The following OSBPL9 variants were observed in gnomAD, a reference collection of about 807,000 sequenced individuals.
OSBPL9 encodes the protein oxysterol-binding protein-related protein 9.
In OSBPL9, 40 loss-of-function variants were observed where a neutral mutation model predicts 106.6. The observed-to-expected ratio is 0.38, with a 90% CI of 0.29 to 0.49. The LOEUF (loss-of-function observed/expected upper bound fraction) is 0.49. Ranked by LOEUF, OSBPL9 falls within the 20% of genes least tolerant of loss-of-function variation. The probability of loss-of-function intolerance (pLI) is 0.97; values close to 1 mark genes in which losing one functional copy is unlikely to be tolerated. For missense variants in OSBPL9, 609 were observed against 887.2 expected (o/e 0.69, Z 3.98); for synonymous variants, 269 against 295.4 (o/e 0.91, Z 0.92).
At chr1:51,555,863 G>A in the OSBPL9 span, among the ~76,000 whole-genome samples, 7 of 152,142 alleles carry the variant, frequency 4.6e-5, no homozygotes, top group South Asian at 6.2e-4. Flanking sequence ...AAGCCACTGC[G>A]CCCAGCCAGA....
At chr1:51,669,246 G>C (rs551818084) in intron 2 of OSBPL9, among the ~76,000 whole-genome samples, 188 bp from the exon 3 acceptor site, 2 of 152,324 alleles carry the variant, frequency 1.3e-5, no homozygotes, top group East Asian at 3.9e-4. Flanking sequence ...CATGGTACTA[G>C]AGTGTCCTGC....
At chr1:51,686,392 C>G (rs1261857615) in intron 3 of OSBPL9, among the ~76,000 whole-genome samples, 3 of 152,138 alleles carry the variant, frequency 2.0e-5, no homozygotes, top group African/African-American at 7.2e-5. Context: ...CCTTTCCTTC[C>G]TTGTTACTCT....
intron 4 of OSBPL9, among the ~76,000 whole-genome samples, chr1:51,733,244 G>A (rs1664862603): frequency 6.6e-6 from 1 of 152,122 alleles, no homozygotes; most frequent in Non-Finnish European, 1.5e-5. Context: ...ACTCATCTTT[G>A]TATCCCCGGG....
chr1:51,786,393 G>C (rs1677637649), intron 21 of OSBPL9, 133 bp from the exon 22 acceptor site: 2 of 614,710 alleles, frequency 3.3e-6, no homozygotes, highest in Non-Finnish European at 5.8e-6. Flanking sequence ...AAGATGTTAT[G>C]AAATTAACAG....
the OSBPL9 span, among the ~76,000 whole-genome samples, chr1:51,562,757 T>C: frequency 6.6e-6 from 1 of 152,230 alleles, no homozygotes; most frequent in African/African-American, 2.4e-5. Flanking sequence ...CTGAGTATCC[T>C]GGCAGTTGAG....
chr1:51,749,528 G>A, intron 7 of OSBPL9: 1 of 418,410 alleles, frequency 2.4e-6, no homozygotes. Flanking sequence ...TGTTGCCTAG[G>A]CTGGTCTCCT....
intron 1 of OSBPL9, among the ~76,000 whole-genome samples, chr1:51,586,920 A>G (rs1320476867): frequency 6.6e-6 from 1 of 152,102 alleles, no homozygotes; most frequent in Non-Finnish European, 1.5e-5. Context: ...CACCCTGGTC[A>G]CAGTTTTCCT....
At chr1:51,722,282 C>T (rs1039821700) in intron 4 of OSBPL9, among the ~76,000 whole-genome samples, 1 of 152,170 alleles carries the variant, frequency 6.6e-6, no homozygotes. Flanking sequence ...AATTTGGCAA[C>T]TCAAGCATTT....
At chr1:51,784,162 C>A in intron 18 of OSBPL9, 102 bp from the exon 19 acceptor site, 1 of 1,427,230 alleles carries the variant, frequency 7.0e-7, no homozygotes, top group Non-Finnish European at 9.9e-7. Context: ...ATAGGTTATC[C>A]CTAAATTGAA....
intron 3 of OSBPL9, among the ~76,000 whole-genome samples, chr1:51,705,284 C>CTGCT (rs1327541610): frequency 2.0e-5 from 3 of 146,380 alleles, no homozygotes; most frequent in African/African-American, 7.7e-5. Context: ...CAGGCGTGTG[C>CTGCT]TGCTGCAACT....
At chr1:51,652,151 G>A in intron 2 of OSBPL9, 110 bp downstream of exon 2, 1 of 759,092 alleles carries the variant, frequency 1.3e-6, no homozygotes, top group Non-Finnish European at 2.1e-6. Context: ...AATTGTTGGG[G>A]CAGGTATCTA....
chr1:51,759,163 C>G (rs771367927), intron 9 of OSBPL9, among the ~76,000 whole-genome samples: 4 of 150,878 alleles, frequency 2.7e-5, no homozygotes, highest in Non-Finnish European at 5.9e-5. Flanking sequence ...CTCTAAGTGT[C>G]CTTCATTTTT....
At chr1:51,535,312 G>A in the OSBPL9 span, among the ~76,000 whole-genome samples, 9 of 152,150 alleles carry the variant, frequency 5.9e-5, no homozygotes, top group Admixed American at 4.6e-4. Context: ...AAGGGCCTGA[G>A]GTGGAAAGGC....
intron 3 of OSBPL9, among the ~76,000 whole-genome samples, chr1:51,691,823 A>G (rs1655029022): frequency 6.6e-6 from 1 of 152,074 alleles, no homozygotes; most frequent in African/African-American, 2.4e-5. Context: ...ACACAGGGTC[A>G]GGAACTTTAA....
chr1:51,623,872 T>G lies in OSBPL9; in HGVS notation c.111+6651T>G, dbSNP rs773670302. The stretch of plus-strand genomic sequence containing the variant: ...AAAAGCAAATTTATTCTTTTCTAAG[T>G]AAACCATTCTTGAATATATCAAATA... On this transcript the variant is annotated intron_variant, in intron 1 of 23. Coordinates refer to ENST00000428468, the MANE Select transcript of OSBPL9 (RefSeq NM_024586.6). 9.5e-4 allele frequency among the ~76,000 whole-genome samples: 144 copies of G among 152,192 alleles called. 1 individual carries two copies. The highest frequency in any genetic ancestry group is 1.4e-3 in the Non-Finnish European group (93 of 68,036).
chr1:51,682,447 A>T (rs534121367), intron 3 of OSBPL9, among the ~76,000 whole-genome samples: 1 of 152,116 alleles, frequency 6.6e-6, no homozygotes, highest in East Asian at 1.9e-4. Context: ...CTAATTGTCC[A>T]TCAGTAGATG....
At chr1:51,651,232 AC>A (rs1646498331) in intron 1 of OSBPL9, among the ~76,000 whole-genome samples, 1 of 152,136 alleles carries the variant, frequency 6.6e-6, no homozygotes, top group Non-Finnish European at 1.5e-5. Context: ...AAAAAATGTT[AC>A]CCATTTGGGG....
At chr1:51,658,577 A>G (rs1646956781) in intron 2 of OSBPL9, among the ~76,000 whole-genome samples, 1 of 152,128 alleles carries the variant, frequency 6.6e-6, no homozygotes, top group Non-Finnish European at 1.5e-5. Context: ...TAAGTATTCC[A>G]TTTACCTGTT....
chr1:51,681,830 A>G lies in OSBPL9; in HGVS notation c.241+12318A>G, dbSNP rs544191188. 8.3e-4 allele frequency among the ~76,000 whole-genome samples: 127 copies of G among 152,324 alleles called. 2 individuals are homozygous for G. The highest frequency in any genetic ancestry group is 2.9e-3 in the African/African-American group (120 of 41,582). On this transcript the variant is annotated intron_variant, in intron 3 of 23. Transcript: ENST00000428468. ...TTCTCCTATATACTTTAAACCATCA[A>G]TAGATTTCTAGATTACTTAAAGTAC...
Sources: allele counts gnomAD v4.1 joint callset (sites outside exome capture counted in the v4.1 genomes callset), GRCh38; gene constraint gnomAD v4.1.1; transcripts MANE v1.5; gene names NCBI Gene and HGNC (gene_info 2026-07-23, HGNC 2026-07-21).